TTLL7: variants seen among roughly 807,000 people sequenced by gnomAD.
The protein encoded by TTLL7 is tubulin polyglutamylase TTLL7.
TTLL7 carries 53 observed loss-of-function variants against 120.2 expected under a neutral mutation model. That is an observed-to-expected ratio of 0.44 (90% CI 0.35 to 0.55). TTLL7 has a LOEUF of 0.55. Among genes scored for constraint, TTLL7 ranks in the 20% least tolerant of loss-of-function variants. The pLI is 0.00. For synonymous variants in TTLL7, 353 were observed against 351.7 expected (o/e 1.00, Z -0.04); for missense variants, 803 against 1,054.7 (o/e 0.76, Z 3.31).
chr1:83,874,640 T>TTTG (rs1360719715), intron 20 of TTLL7, among the ~76,000 whole-genome samples: 2 of 152,054 alleles, frequency 1.3e-5, no homozygotes, highest in African/African-American at 4.8e-5. Flanking sequence ...TTGCCAACAC[T>TTTG]TACTACTTTG....
rs1652870740 is a variant in TTLL7 at position 83,865,743 on chromosome 1, A to G, written c.*4219T>C. ...TGAACTTGATGCAACAACATATTTTATGTTTTATTATTGCTGAGGCAAAAT... is the reference window on the plus strand; with the variant it reads ...TGAACTTGATGCAACAACATATTTTGTGTTTTATTATTGCTGAGGCAAAAT... On this transcript the variant is annotated 3_prime_UTR_variant, in exon 21 of 21. Coordinates refer to ENST00000260505, the MANE Select transcript of TTLL7 (RefSeq NM_024686.6). 6.6e-6 allele frequency: 1 copy of G among 152,000 alleles called. No individual in the cohort carries two copies. The highest frequency in any genetic ancestry group is 1.5e-5 in the Non-Finnish European group (1 of 67,856). The allele number at this position is 152,000 out of a possible 1,614,324, so 9.4% of individuals were successfully genotyped here.
intron 14 of TTLL7, among the ~76,000 whole-genome samples, chr1:83,913,201 G>T (rs1350947358): frequency 6.6e-6 from 1 of 152,008 alleles, no homozygotes; most frequent in Non-Finnish European, 1.5e-5. Context: ...TTGTAAACTG[G>T]CATTGAGTTA....
At chr1:83,996,915 C>T (rs1653535023) in intron 1 of TTLL7, among the ~76,000 whole-genome samples, 2 of 151,092 alleles carry the variant, frequency 1.3e-5, no homozygotes, top group South Asian at 2.1e-4. Flanking sequence ...CTTATTCATT[C>T]ATGCCAGTTC....
intron 1 of TTLL7, among the ~76,000 whole-genome samples, chr1:83,955,262 C>G (rs1275666335): frequency 2.6e-5 from 4 of 152,154 alleles, no homozygotes; most frequent in Admixed American, 1.3e-4. Context: ...TTGTTCACTC[C>G]TCCATTCCCA....
chr1:83,866,187 A>G lies in TTLL7; in HGVS notation c.*3775T>C, dbSNP rs1652902171. 1 of 151,886 alleles carries G rather than the reference A, an allele frequency of 6.6e-6. No individual in the cohort carries two copies. Among genetic ancestry groups the G allele is most frequent in the Admixed American group, 6.6e-5 (1 of 15,252 alleles). 9.4% of individuals were successfully genotyped at this position (151,886 alleles called of 1,614,324 possible). On this transcript the variant is annotated 3_prime_UTR_variant, in exon 21 of 21. Coordinates refer to ENST00000260505, the MANE Select transcript of TTLL7 (RefSeq NM_024686.6). ...TCTTGAGGTATTTACTATTTTTTAAAGAATACACATTTAAGAATGAATCAA... is the reference window on the plus strand; with the variant it reads ...TCTTGAGGTATTTACTATTTTTTAAGGAATACACATTTAAGAATGAATCAA...
intron 20 of TTLL7, among the ~76,000 whole-genome samples, chr1:83,879,297 C>G (rs1296580584): frequency 6.6e-6 from 1 of 151,958 alleles, no homozygotes; most frequent in Non-Finnish European, 1.5e-5. Flanking sequence ...GAAATGTTTA[C>G]TTCTCTTCAC....
chr1:83,947,915 GA>G (rs1156712935), intron 5 of TTLL7, among the ~76,000 whole-genome samples: 1 of 151,686 alleles, frequency 6.6e-6, no homozygotes, highest in Non-Finnish European at 1.5e-5. Context: ...CTTAAGTTAA[GA>G]AAAAGGCAAA....
intron 20 of TTLL7, among the ~76,000 whole-genome samples, chr1:83,873,055 T>A (rs1260795239): frequency 6.6e-6 from 1 of 152,168 alleles, no homozygotes; most frequent in Non-Finnish European, 1.5e-5. Context: ...GTTTTAAAAC[T>A]AATGGGTACA....
At chr1:83,924,456 GC>G (rs1658939898) in intron 10 of TTLL7, among the ~76,000 whole-genome samples, 2 of 152,210 alleles carry the variant, frequency 1.3e-5, no homozygotes, top group African/African-American at 4.8e-5. Flanking sequence ...GTTACTTTAA[GC>G]CAGTAACAAA....
intron 18 of TTLL7, among the ~76,000 whole-genome samples, chr1:83,902,954 G>C (rs1413540164): frequency 6.6e-6 from 1 of 151,908 alleles, no homozygotes; most frequent in Non-Finnish European, 1.5e-5. Flanking sequence ...ATTAGCTCTT[G>C]CCTCGGTTAC....
At chr1:83,946,320 G>C (rs1050371414) in intron 6 of TTLL7, 4 of 152,134 alleles carry the variant, frequency 2.6e-5, no homozygotes, top group African/African-American at 9.7e-5. Context: ...CAAAGTGCTG[G>C]GATTATAGGT....
intron 14 of TTLL7, among the ~76,000 whole-genome samples, chr1:83,915,992 C>T (rs1658122243): frequency 6.6e-6 from 1 of 152,126 alleles, no homozygotes; most frequent in Admixed American, 6.6e-5. Context: ...CAGGAAATAA[C>T]AGGTGCTGGA....
At chr1:83,877,471 G>T (rs1431344945) in intron 20 of TTLL7, among the ~76,000 whole-genome samples, 1 of 151,926 alleles carries the variant, frequency 6.6e-6, no homozygotes, top group Non-Finnish European at 1.5e-5. Context: ...TCTACAGCTG[G>T]AGTTATCTTT....
rs374116706 is a variant in TTLL7, at chr1:83,915,035, G to A, written c.1587+2569C>T. ...AAGTGTTATTTATGGAACAGCAGGA[G>A]AAAGAAAGAAGGGAAGGTCTAAGCC... On this transcript the variant is annotated intron_variant, in intron 14 of 20. Transcript: ENST00000260505. 6.6e-5 allele frequency among the ~76,000 whole-genome samples: 10 copies of A among 152,292 alleles called. No homozygotes were observed. In the South Asian group the frequency reaches 1.7e-3, roughly 25 times the overall value.
intron 14 of TTLL7, among the ~76,000 whole-genome samples, chr1:83,914,477 G>A (rs538649762): frequency 8.1e-4 from 123 of 151,636 alleles, no homozygotes; most frequent in African/African-American, 2.5e-3. Context: ...GACTACAGGC[G>A]CATGCCACCA....
chr1:83,874,164 T>G (rs79045947), intron 20 of TTLL7, among the ~76,000 whole-genome samples: 6,350 of 152,116 alleles, frequency 0.042, 158 homozygotes, highest in Middle Eastern at 0.099. Context: ...CCCAGTAATA[T>G]CTATTCTATT....
At chr1:83,954,590 T>C (rs1052467433) in intron 1 of TTLL7, among the ~76,000 whole-genome samples, 37 of 152,202 alleles carry the variant, frequency 2.4e-4, no homozygotes, top group African/African-American at 8.7e-4. Context: ...CAGAATTGCC[T>C]GAATGAGGAG....
chr1:83,913,340 G>T (rs1487547092), intron 14 of TTLL7, among the ~76,000 whole-genome samples: 3 of 152,074 alleles, frequency 2.0e-5, no homozygotes, highest in Non-Finnish European at 4.4e-5. Context: ...AAAGAACATT[G>T]CTAATATTTT....
chr1:83,995,829 A>T (rs1027972426), intron 1 of TTLL7, among the ~76,000 whole-genome samples: 1 of 152,196 alleles, frequency 6.6e-6, no homozygotes, highest in African/African-American at 2.4e-5. Context: ...TGCTATTATT[A>T]TCATCAATAA....
Sources: allele counts gnomAD v4.1 joint callset (sites outside exome capture counted in the v4.1 genomes callset), GRCh38; gene constraint gnomAD v4.1.1; transcripts MANE v1.5; gene names NCBI Gene and HGNC (gene_info 2026-07-23, HGNC 2026-07-21).